The following ALDH8A1 variants were observed in gnomAD, a reference collection of about 807,000 sequenced individuals.
The protein encoded by ALDH8A1 is aldehyde dehydrogenase 8 family member A1.
ALDH8A1 carries 39 observed loss-of-function variants against 43.3 expected under a neutral mutation model. The observed-to-expected ratio is 0.90, with a 90% CI of 0.70 to 1.18. ALDH8A1 has a LOEUF of 1.18. ALDH8A1 is among the 50% of genes most tolerant of loss of function. The pLI is 0.00. For missense variants in ALDH8A1, 605 were observed against 622.6 expected, an observed-to-expected ratio of 0.97 and a Z score of 0.30; for synonymous variants, 233 against 243.5, an observed-to-expected ratio of 0.96 and a Z score of 0.40.
rs1776730474 is a variant in ALDH8A1, at chr6:134,917,817, C to T, written c.*598G>A. The T allele has an allele frequency of 6.6e-6, 1 of 152,300 alleles. No homozygotes were observed. The highest frequency in any genetic ancestry group is 2.4e-5 in the African/African-American group (1 of 41,380). The allele number at this position is 152,300 out of a possible 1,614,324, so 9.4% of individuals were successfully genotyped here. ...TCACTGTATCCCCCAGGCTGAAATG[C>T]AGTGGAATGATCATGGCTCACTGCA... On this transcript the variant is annotated 3_prime_UTR_variant, in exon 7 of 7. Transcript: ENST00000265605.
At chr6:134,939,183 T>C (rs1174571403) in intron 4 of ALDH8A1, 83 bp downstream of exon 4, 15 of 1,553,488 alleles carry the variant, frequency 9.7e-6, no homozygotes, top group East Asian at 6.8e-5. Flanking sequence ...CTGGAATCGA[T>C]TGTGCTGCTG....
chr6:134,930,855 T>C (rs966145721), intron 5 of ALDH8A1, among the ~76,000 whole-genome samples: 2 of 152,224 alleles, frequency 1.3e-5, no homozygotes, highest in Non-Finnish European at 2.9e-5. Flanking sequence ...TATCATTCGT[T>C]GAGTGCCTAT....
intron 1 of ALDH8A1, among the ~76,000 whole-genome samples, chr6:134,947,803 T>A (rs772665166): frequency 6.7e-6 from 1 of 148,658 alleles, no homozygotes; most frequent in African/African-American, 2.5e-5. Flanking sequence ...GGTGGGAAAG[T>A]AAATTAGTGC....
chr6:134,932,825 T>C lies in ALDH8A1; in HGVS notation c.800A>G (p.Asn267Ser), dbSNP rs1423042450. 22 of 1,614,114 alleles carry C rather than the reference T, an allele frequency of 1.4e-5. No homozygotes were observed. In the South Asian group the frequency reaches 2.4e-4, roughly 18 times the overall value. The change falls in exon 5 of 7, where the codon AAC becomes AGC. Residue 267 changes from asparagine (N) to serine (S), a missense_variant. Asn to Ser is a conservative substitution (Grantham distance 46). Coordinates refer to ENST00000265605, the MANE Select transcript of ALDH8A1 (RefSeq NM_022568.4). ...GGTTGCCGGAATGCACTCATCCAGG[T>C]TGGCGTCCTCAAAGATGATGGCAGG... The part of the protein sequence containing the change: ...KNPAIIFEDA[N>S]LDECIPATVR...
At chr6:134,930,882 G>A (rs1353530031) in intron 5 of ALDH8A1, among the ~76,000 whole-genome samples, 1 of 152,222 alleles carries the variant, frequency 6.6e-6, no homozygotes, top group African/African-American at 2.4e-5. Context: ...GCCAGACACT[G>A]CGCAGGGTGC....
At chr6:134,920,944 G>A (rs539857736) in intron 6 of ALDH8A1, among the ~76,000 whole-genome samples, 21 of 152,250 alleles carry the variant, frequency 1.4e-4, no homozygotes, top group African/African-American at 5.1e-4. Context: ...GCTTTTAGAT[G>A]TCCTGTGCCT....
intron 6 of ALDH8A1, among the ~76,000 whole-genome samples, chr6:134,920,768 A>G (rs555248842): frequency 6.6e-6 from 1 of 152,342 alleles, no homozygotes; most frequent in East Asian, 1.9e-4. Context: ...AACCATGACT[A>G]GTAATATGCT....
At chr6:134,939,518 C>T (rs1449941156) in intron 3 of ALDH8A1, 103 bp from the exon 4 acceptor site, 5 of 1,359,162 alleles carry the variant, frequency 3.7e-6, no homozygotes, top group African/African-American at 1.4e-5. Flanking sequence ...CTGCAGAAAA[C>T]TTAGCTTACT....
chr6:134,926,581 G>A (rs993053452), intron 6 of ALDH8A1, among the ~76,000 whole-genome samples: 2 of 152,054 alleles, frequency 1.3e-5, no homozygotes. Context: ...GGCCAAGGTG[G>A]GTGGATCACC....
chr6:134,947,988 A>T (rs1773983241), intron 1 of ALDH8A1, among the ~76,000 whole-genome samples: 1 of 152,194 alleles, frequency 6.6e-6, no homozygotes, highest in African/African-American at 2.4e-5. Flanking sequence ...TAGTCAAGAT[A>T]TGGACTCAAC....
At chr6:134,943,784 T>C (rs1298494682) in intron 2 of ALDH8A1, 35 bp downstream of exon 2, 1 of 1,607,820 alleles carries the variant, frequency 6.2e-7, no homozygotes. Flanking sequence ...AGAGATGCCC[T>C]GAGTCCCATG....
rs921804590 is a variant in ALDH8A1 at position 134,946,186 on chromosome 6, A to C, written c.139-2220T>G. Among the ~76,000 whole-genome samples, 15 of 152,300 alleles carry C rather than the reference A, an allele frequency of 9.8e-5. 2 individuals carry two copies. Among genetic ancestry groups the C allele is most frequent in the Admixed American group, 2.6e-4 (4 of 15,298 alleles). Reference sequence around the variant, plus strand: ...TTAGCTGAGCTGAAGTAAGGTATAAAATGATTCTCATCTTAATTAGAAATT... The same window carrying C: ...TTAGCTGAGCTGAAGTAAGGTATAACATGATTCTCATCTTAATTAGAAATT... On this transcript the variant is annotated intron_variant, in intron 1 of 6. Coordinates refer to ENST00000265605, the MANE Select transcript of ALDH8A1 (RefSeq NM_022568.4).
At chr6:134,935,685 C>G (rs1161908429) in intron 4 of ALDH8A1, among the ~76,000 whole-genome samples, 3 of 152,252 alleles carry the variant, frequency 2.0e-5, no homozygotes, top group Admixed American at 1.3e-4. Flanking sequence ...GTTTCCTTCC[C>G]TTTGCTCCAG....
At chr6:134,924,524 A>G (rs1236305362) in intron 6 of ALDH8A1, among the ~76,000 whole-genome samples, 1 of 152,188 alleles carries the variant, frequency 6.6e-6, no homozygotes, top group Non-Finnish European at 1.5e-5. Flanking sequence ...TACCTTTAAA[A>G]ACCCTCGTCT....
At position 134,938,202 on chromosome 6, in the gene ALDH8A1, C is replaced by G. The variant is rs1030039931; in HGVS notation, c.592+1064G>C. ...AACTAGAAAGACAGTGAGTCTGTCTCCCCCACCCAGCACTCCTGCCCTGGC... is the reference window on the plus strand; with the variant it reads ...AACTAGAAAGACAGTGAGTCTGTCTGCCCCACCCAGCACTCCTGCCCTGGC... On this transcript the variant is annotated intron_variant, in intron 4 of 6. Coordinates refer to ENST00000265605, the MANE Select transcript of ALDH8A1 (RefSeq NM_022568.4). Among the ~76,000 whole-genome samples, 13 of 152,246 alleles carry G rather than the reference C, an allele frequency of 8.5e-5. 1 individual carries two copies. The highest frequency in any genetic ancestry group is 2.0e-4 in the Admixed American group (3 of 15,298).
At chr6:134,920,150 G>C (rs143746910) in intron 6 of ALDH8A1, among the ~76,000 whole-genome samples, 3 of 152,058 alleles carry the variant, frequency 2.0e-5, no homozygotes, top group Non-Finnish European at 4.4e-5. Context: ...TGGTCTCAAG[G>C]GATCCGCCCA....
At chr6:134,942,860 A>G (rs1252916183) in intron 2 of ALDH8A1, among the ~76,000 whole-genome samples, 1 of 152,250 alleles carries the variant, frequency 6.6e-6, no homozygotes, top group Non-Finnish European at 1.5e-5. Flanking sequence ...TCACCCACAC[A>G]AACTCTTGCA....
intron 6 of ALDH8A1, among the ~76,000 whole-genome samples, chr6:134,924,926 T>A (rs1776860305): frequency 6.6e-6 from 1 of 152,206 alleles, no homozygotes; most frequent in Non-Finnish European, 1.5e-5. Context: ...AATGATGTCT[T>A]TAACTAAAAT....
intron 4 of ALDH8A1, 83 bp downstream of exon 4, chr6:134,939,182 AT>A: frequency 6.4e-7 from 1 of 1,554,472 alleles, no homozygotes; most frequent in East Asian, 2.3e-5. Context: ...ACTGGAATCG[AT>A]TGTGCTGCTG....
Sources: gnomAD v4.1 joint callset for allele counts (sites outside exome capture counted in the v4.1 genomes callset) on GRCh38, gnomAD v4.1.1 for gene constraint, MANE v1.5 for transcripts, NCBI Gene and HGNC (gene_info 2026-07-23, HGNC 2026-07-21) for gene names.